The following UMODL1 variants were observed in gnomAD, a reference collection of about 807,000 sequenced individuals.
UMODL1 encodes uromodulin-like 1.
UMODL1 carries 128 observed loss-of-function variants against 136.3 expected under a neutral mutation model. The ratio of observed to expected loss-of-function variants is 0.94; its 90% CI spans 0.81 to 1.09. The LOEUF (loss-of-function observed/expected upper bound fraction) is 1.09, where lower values mean the gene tolerates loss of function less well. Among genes scored for constraint, UMODL1 ranks in the 50% least tolerant of loss-of-function variants. UMODL1 has a pLI of 0.00. For synonymous variants in UMODL1, 721 were observed against 720.0 expected, an observed-to-expected ratio of 1.00 and a Z score of -0.02; for missense variants, 1,766 against 1,725.6, an observed-to-expected ratio of 1.02 and a Z score of -0.41.
At chr21:42,088,690 G>A (rs1436095465) in intron 5 of UMODL1, among the ~76,000 whole-genome samples, 3 of 152,236 alleles carry the variant, frequency 2.0e-5, no homozygotes, top group Admixed American at 6.5e-5. Flanking sequence ...GTCCCCAAGT[G>A]CAGACCTCTA....
intron 6 of UMODL1, among the ~76,000 whole-genome samples, chr21:42,097,116 G>T (rs1363419540): frequency 6.6e-6 from 1 of 152,172 alleles, no homozygotes; most frequent in Non-Finnish European, 1.5e-5. Context: ...ATATCATAAA[G>T]AATGAATCCA....
At chr21:42,112,750 C>A (rs929467126) in intron 12 of UMODL1, among the ~76,000 whole-genome samples, 10 of 152,036 alleles carry the variant, frequency 6.6e-5, no homozygotes, top group African/African-American at 2.4e-4. Flanking sequence ...TCTGCAGATG[C>A]TCTGGATTGT....
At chr21:42,116,803 T>C (rs2066907660) in intron 14 of UMODL1, among the ~76,000 whole-genome samples, 1 of 152,198 alleles carries the variant, frequency 6.6e-6, no homozygotes, top group African/African-American at 2.4e-5. Context: ...CAGCTGGGCA[T>C]GGTGGCTCAT....
intron 14 of UMODL1, among the ~76,000 whole-genome samples, chr21:42,117,523 C>T (rs188014638): frequency 4.5e-4 from 69 of 152,296 alleles, no homozygotes; most frequent in African/African-American, 1.6e-3. Flanking sequence ...ATAGGGAGTG[C>T]CCTTGTCATA....
intron 20 of UMODL1, 163 bp downstream of exon 20, chr21:42,127,994 T>C (rs778414886): frequency 1.1e-6 from 1 of 913,014 alleles, no homozygotes; most frequent in Non-Finnish European, 1.7e-6. Flanking sequence ...AAATGGTATT[T>C]CCACGGCAGG....
chr21:42,108,923 A>ACCCCCCACG (rs2066769436), intron 9 of UMODL1, among the ~76,000 whole-genome samples: 1 of 14,906 alleles, frequency 6.7e-5, no homozygotes, highest in African/African-American at 3.2e-4. Context: ...CACCCCCCCC[A>ACCCCCCACG]CGAGAGAAGT....
At chr21:42,074,121 C>T (rs1017559668) in intron 1 of UMODL1, among the ~76,000 whole-genome samples, 13 of 152,132 alleles carry the variant, frequency 8.5e-5, no homozygotes, top group African/African-American at 2.2e-4. Context: ...GTCTGGAGGC[C>T]GGAAGTCTAA....
At chr21:42,086,663 C>T (rs949441579) in intron 4 of UMODL1, 1 of 454,264 alleles carries the variant, frequency 2.2e-6, no homozygotes, top group Admixed American at 2.3e-5. Context: ...GAGATACCTC[C>T]TCCATTAAAC....
intron 22 of UMODL1, among the ~76,000 whole-genome samples, chr21:42,138,387 C>T (rs2123406041): frequency 6.6e-6 from 1 of 152,240 alleles, no homozygotes; most frequent in East Asian, 1.9e-4. Context: ...CTGCTCATGC[C>T]CGCAGCCCCG....
At chr21:42,136,331 C>T (rs1189359962) in intron 21 of UMODL1, among the ~76,000 whole-genome samples, 2 of 152,224 alleles carry the variant, frequency 1.3e-5, no homozygotes, top group Admixed American at 6.5e-5. Flanking sequence ...ATTTTCCTCA[C>T]CCTAAATGCA....
In UMODL1 at chr21:42,096,631, C is replaced by T. The variant is rs1601207352; in HGVS notation, c.932-2295C>T. Among the ~76,000 whole-genome samples, 6 of 152,312 alleles carry T rather than the reference C, an allele frequency of 3.9e-5. 1 individual carries two copies. In the South Asian group the frequency reaches 1.2e-3, roughly 32 times the overall value. On this transcript the variant is annotated intron_variant, in intron 6 of 22. Transcript: ENST00000408910. ...TGGGTGGGCCATCTGTTGTCCCACC[C>T]ATGTGCTCTCTCGCTCTGCGTCAAG... is the stretch of plus-strand genomic sequence containing the variant.
rs371384125 is a variant in UMODL1 at position 42,115,986 on chromosome 21, G to A, written c.2475+1G>A. ...TTTCCTAGAACTATTCTTCAGGATGGTGAGTTGGTGATATCAGCCCTTAAT... is the reference window on the plus strand; with the variant it reads ...TTTCCTAGAACTATTCTTCAGGATGATGAGTTGGTGATATCAGCCCTTAAT... On this transcript the variant is annotated splice_donor_variant, in intron 14 of 22. Transcript: ENST00000408910. LOFTEE classifies it high-confidence loss of function. 74 of 1,608,936 alleles carry A rather than the reference G, an allele frequency of 4.6e-5. No homozygotes were observed. Among genetic ancestry groups the A allele is most frequent in the Admixed American group, 1.5e-4 (9 of 59,948 alleles).
intron 7 of UMODL1, chr21:42,101,961 A>T (rs561788732): frequency 2.1e-6 from 1 of 472,690 alleles, no homozygotes; most frequent in South Asian, 2.1e-5. Context: ...CCTTCCTGGG[A>T]TGTCTCTGCC....
intron 12 of UMODL1, among the ~76,000 whole-genome samples, chr21:42,112,567 A>G (rs1430280040): frequency 6.7e-6 from 1 of 149,698 alleles, no homozygotes; most frequent in Non-Finnish European, 1.5e-5. Flanking sequence ...CTGTACCCCC[A>G]GCTGTTTTGT....
intron 21 of UMODL1, among the ~76,000 whole-genome samples, chr21:42,133,766 G>A (rs759777678): frequency 2.6e-4 from 40 of 152,196 alleles, no homozygotes; most frequent in Non-Finnish European, 4.7e-4. Context: ...TTTTTATAAG[G>A]ACACCAGTCA....
intron 6 of UMODL1, among the ~76,000 whole-genome samples, chr21:42,095,859 C>T (rs1434803624): frequency 6.6e-6 from 1 of 152,180 alleles, no homozygotes; most frequent in African/African-American, 2.4e-5. Context: ...GATAACATGG[C>T]TGGTGCACAC....
intron 19 of UMODL1, 150 bp downstream of exon 19, chr21:42,127,392 C>T (rs1414675444): frequency 1.2e-6 from 1 of 821,642 alleles, no homozygotes; most frequent in African/African-American, 1.7e-5. Flanking sequence ...GCACCCCTGT[C>T]CAGCAATGCC....
At chr21:42,069,638 AG>A (rs1319423823), upstream of UMODL1, among the ~76,000 whole-genome samples, 5 of 152,190 alleles carry the variant, frequency 3.3e-5, no homozygotes, top group Admixed American at 3.3e-4. Context: ...CCTATTTCAT[AG>A]GGCAATCGTG....
intron 1 of UMODL1, among the ~76,000 whole-genome samples, chr21:42,065,624 G>A (rs1391554004): frequency 5.3e-5 from 8 of 150,570 alleles, no homozygotes; most frequent in African/African-American, 2.0e-4. Flanking sequence ...TGCAACCTCC[G>A]ACTCCCTGGT....
Sources: gnomAD v4.1 joint callset for allele counts (sites outside exome capture counted in the v4.1 genomes callset) on GRCh38, gnomAD v4.1.1 for gene constraint, MANE v1.5 for transcripts, NCBI Gene and HGNC (gene_info 2026-07-23, HGNC 2026-07-21) for gene names.